The following DIP2C variants were observed in gnomAD, a reference collection of about 807,000 sequenced individuals.
DIP2C encodes DIP2 acetate--CoA ligase C (putative), also known as disco-interacting protein 2 homolog C.
Under a neutral mutation model 192.4 loss-of-function variants are expected in DIP2C, and 33 were observed. The observed-to-expected ratio is 0.17, with a 90% CI of 0.13 to 0.23. The LOEUF (loss-of-function observed/expected upper bound fraction) is 0.23, where lower values mean the gene tolerates loss of function less well. Among genes scored for constraint, DIP2C ranks in the 10% least tolerant of loss-of-function variants. The pLI, the probability that DIP2C is intolerant of heterozygous loss-of-function variation, is 1.00. For synonymous variants in DIP2C, 979 were observed against 864.1 expected, an observed-to-expected ratio of 1.13 and a Z score of -2.33; for missense variants, 1,537 against 2,110.1, an observed-to-expected ratio of 0.73 and a Z score of 5.32.
chr10:419,722 T>C (rs771905328), intron 5 of DIP2C, among the ~76,000 whole-genome samples: 5 of 152,142 alleles, frequency 3.3e-5, no homozygotes, highest in Non-Finnish European at 7.3e-5. Context: ...ATACAGTTCA[T>C]AGGATCTTCT....
At chr10:618,640 G>GT (rs1312897006) in intron 1 of DIP2C, among the ~76,000 whole-genome samples, 3 of 152,238 alleles carry the variant, frequency 2.0e-5, no homozygotes, top group African/African-American at 7.2e-5. Context: ...GACTTTGTTT[G>GT]CTTTTATGCA....
In DIP2C at chr10:349,436, G is replaced by A; in HGVS notation, c.3004C>T (p.Leu1002=). The A allele has an allele frequency of 6.2e-7, 1 of 1,608,532 alleles. No homozygotes were observed. The highest frequency in any genetic ancestry group is 8.5e-7 in the Non-Finnish European group (1 of 1,178,434). The part of the protein sequence containing the change: ...LNCRGAIANS[L]TCVQLHKRAE... The stretch of plus-strand genomic sequence containing the variant: ...CTCTTGTGCAGCTGCACGCAGGTCA[G>A]CGAGTTCGCTATCGCACCCTGCGGG... Residue 1002 remains leucine, a synonymous_variant, in exon 25 of 37, where the codon CTG becomes TTG. Transcript: ENST00000280886.
intron 1 of DIP2C, among the ~76,000 whole-genome samples, chr10:521,213 AAAC>A (rs1348525007): frequency 6.6e-6 from 1 of 152,218 alleles, no homozygotes; most frequent in African/African-American, 2.4e-5. Flanking sequence ...CAGCTCTTAA[AAAC>A]AACCAGAAAT....
rs10652748 is a variant in DIP2C at position 524,967 on chromosome 10, C to CAAAAAAAAAAAAA, written c.86-38450_86-38438dup. Among the ~76,000 whole-genome samples the CAAAAAAAAAAAAA allele has an allele frequency of 1.1e-3, 118 of 111,108 alleles. 3 individuals carry two copies. Among genetic ancestry groups the CAAAAAAAAAAAAA allele is most frequent in the Middle Eastern group, 4.5e-3 (1 of 224 alleles). The allele number at this position is 111,108 out of a possible 152,430, so 72.9% of individuals were successfully genotyped here. A position where few individuals can be genotyped will look rare whatever the true frequency, so the allele number is the denominator to read the frequency against. On this transcript the variant is annotated intron_variant, in intron 1 of 36. Transcript: ENST00000280886. ...ACACAGTTTAAGACAATCACAATTT[C>CAAAAAAAAAAAAA]AAAAAAAAAAAAAAAAGAATCACAT...
At chr10:624,648 C>T (rs796430799) in intron 1 of DIP2C, among the ~76,000 whole-genome samples, 25 of 152,242 alleles carry the variant, frequency 1.6e-4, no homozygotes, top group African/African-American at 3.6e-4. Context: ...ACGGAGGAGG[C>T]GAGCGTCGGT....
chr10:500,919 T>C, intron 1 of DIP2C, among the ~76,000 whole-genome samples: 1 of 152,198 alleles, frequency 6.6e-6, no homozygotes, highest in East Asian at 1.9e-4. Context: ...CTGTGTAAAA[T>C]AATGGCTCAG....
At chr10:616,010 C>A (rs1588610631) in intron 1 of DIP2C, among the ~76,000 whole-genome samples, 2 of 152,302 alleles carry the variant, frequency 1.3e-5, no homozygotes, top group South Asian at 2.1e-4. Flanking sequence ...CATTTTTCCA[C>A]ATTTATCACC....
At chr10:348,847 G>A in intron 25 of DIP2C, 85 bp from the exon 26 acceptor site, 3 of 1,560,952 alleles carry the variant, frequency 1.9e-6, no homozygotes, top group Non-Finnish European at 2.6e-6. Context: ...GCTTGTCTGG[G>A]GCAAGTTCAA....
Position 426,791 on chromosome 10 carries a change from G to T in DIP2C, c.395-3758C>A, listed in dbSNP as rs191737691. Among the ~76,000 whole-genome samples the T allele has an allele frequency of 5.3e-5, 8 of 152,096 alleles. No homozygotes were observed. The East Asian group carries it at 1.4e-3, about 26-fold the overall frequency. ...TCAACAAATGTTGCTGTGGCAACTG[G>T]GTACCCAACACACCAAAAAGAAAAA... On this transcript the variant is annotated intron_variant, in intron 4 of 36. Coordinates refer to ENST00000280886, the MANE Select transcript of DIP2C (RefSeq NM_014974.3).
At chr10:613,468 G>C (rs1025473986) in intron 1 of DIP2C, among the ~76,000 whole-genome samples, 2 of 152,232 alleles carry the variant, frequency 1.3e-5, no homozygotes, top group African/African-American at 4.8e-5. Context: ...GATTTGGAGG[G>C]AACTCAAGGC....
At chr10:579,638 T>C (rs1388248279) in intron 1 of DIP2C, among the ~76,000 whole-genome samples, 2 of 152,092 alleles carry the variant, frequency 1.3e-5, no homozygotes, top group African/African-American at 2.4e-5. Flanking sequence ...AACATGTACA[T>C]GCATAGAGCA....
At chr10:534,625 C>T (rs909482031) in intron 1 of DIP2C, among the ~76,000 whole-genome samples, 1 of 152,196 alleles carries the variant, frequency 6.6e-6, no homozygotes, top group African/African-American at 2.4e-5. Flanking sequence ...CCCCATCTAC[C>T]CTCCCAGGCT....
At chr10:353,035 T>C (rs1958899435) in intron 24 of DIP2C, among the ~76,000 whole-genome samples, 2 of 152,164 alleles carry the variant, frequency 1.3e-5, no homozygotes, top group Admixed American at 1.3e-4. Flanking sequence ...TCTGGCATCC[T>C]CATCAACATT....
rs534899788 is a variant in DIP2C, at chr10:569,605, A to T, written c.86-83075T>A. Among the ~76,000 whole-genome samples, 1,428 of 152,012 alleles carry T rather than the reference A, an allele frequency of 9.4e-3. 28 individuals are homozygous for T. Among genetic ancestry groups the T allele is most frequent in the African/African-American group, 0.032 (1,343 of 41,432 alleles). ...ACTCATTTGTTTTATATTCTTTTTT[A>T]AAAAAAAGCAAAAACAAAACAAATA... On this transcript the variant is annotated intron_variant, in intron 1 of 36. Coordinates refer to ENST00000280886, the MANE Select transcript of DIP2C (RefSeq NM_014974.3).
intron 1 of DIP2C, among the ~76,000 whole-genome samples, chr10:591,094 A>G (rs1163115869): frequency 3.0e-5 from 4 of 132,010 alleles, no homozygotes; most frequent in Non-Finnish European, 1.5e-5. Flanking sequence ...TCCATCACAG[A>G]TAACAGTCAG....
intron 1 of DIP2C, among the ~76,000 whole-genome samples, chr10:586,175 A>G (rs1851008985): frequency 6.6e-6 from 1 of 152,104 alleles, no homozygotes; most frequent in African/African-American, 2.4e-5. Context: ...CTTCTCTGGG[A>G]GAGAGAATTA....
At chr10:685,187 C>CAT (rs1206918396) in intron 1 of DIP2C, among the ~76,000 whole-genome samples, 20 of 22,316 alleles carry the variant, frequency 9.0e-4, no homozygotes, top group African/African-American at 2.1e-3. Context: ...TATATATATA[C>CAT]ATATATATAT....
intron 4 of DIP2C, among the ~76,000 whole-genome samples, chr10:428,158 TATATC>T (rs1430975292): frequency 1.3e-5 from 2 of 152,118 alleles, no homozygotes; most frequent in Non-Finnish European, 2.9e-5. Flanking sequence ...TTTATGATTT[TATATC>T]ATAAAATTCT....
At chr10:372,759 C>T (rs766410127) in intron 17 of DIP2C, among the ~76,000 whole-genome samples, 14 of 152,140 alleles carry the variant, frequency 9.2e-5, no homozygotes, top group Middle Eastern at 3.4e-3. Flanking sequence ...CGGGTGCTCC[C>T]GACACACAGG....
Sources: gnomAD v4.1 joint callset for allele counts (sites outside exome capture counted in the v4.1 genomes callset) on GRCh38, gnomAD v4.1.1 for gene constraint, MANE v1.5 for transcripts, NCBI Gene and HGNC (gene_info 2026-07-23, HGNC 2026-07-21) for gene names.